Variants in RUNX3 observed in about 807,000 individuals in gnomAD.
The protein encoded by RUNX3 is runt-related transcription factor 3.
Under a neutral mutation model 27.7 loss-of-function variants are expected in RUNX3, and 10 were observed. The ratio of observed to expected loss-of-function variants is 0.36; its 90% CI spans 0.22 to 0.61. The LOEUF (loss-of-function observed/expected upper bound fraction) is 0.61. Ranked by LOEUF, RUNX3 falls within the 20% of genes least tolerant of loss-of-function variation. The pLI is 0.72. For missense variants in RUNX3, 469 were observed against 629.5 expected (o/e 0.75, Z 2.73); for synonymous variants, 270 against 269.2 (o/e 1.00, Z -0.03).
At chr1:24,914,529 C>T (rs1425188491) in intron 3 of RUNX3, among the ~76,000 whole-genome samples, 5 of 152,188 alleles carry the variant, frequency 3.3e-5, no homozygotes, top group African/African-American at 4.8e-5. Flanking sequence ...GGCAGGGAAA[C>T]GGGCTGGCCG....
chr1:24,959,589 G>C (rs1245955409), intron 2 of RUNX3, among the ~76,000 whole-genome samples: 1 of 152,156 alleles, frequency 6.6e-6, no homozygotes, highest in African/African-American at 2.4e-5. Flanking sequence ...GGTTTCCTGG[G>C]ACGTGGAGCT....
At chr1:24,915,747 C>G in intron 3 of RUNX3, among the ~76,000 whole-genome samples, 1 of 151,772 alleles carries the variant, frequency 6.6e-6, no homozygotes, top group East Asian at 1.9e-4. Flanking sequence ...GCCAGGATAC[C>G]AGGGTGGCCA....
intron 3 of RUNX3, among the ~76,000 whole-genome samples, chr1:24,911,978 G>A (rs892501155): frequency 2.0e-5 from 3 of 152,236 alleles, no homozygotes; most frequent in Non-Finnish European, 4.4e-5. Flanking sequence ...CACTGCCAGG[G>A]AGGGGAGAGG....
At chr1:24,947,698 C>T (rs1228280906) in intron 2 of RUNX3, among the ~76,000 whole-genome samples, 1 of 152,196 alleles carries the variant, frequency 6.6e-6, no homozygotes, top group Non-Finnish European at 1.5e-5. Context: ...CCTGGGGACG[C>T]TCCCTGTTTG....
intron 2 of RUNX3, chr1:24,963,121 T>C (rs11249210): frequency 0.17 from 26,376 of 152,252 alleles, 3,067 homozygotes; most frequent in African/African-American, 0.33. Context: ...AGTGCCCCCA[T>C]TTCAGGGGAC....
rs1309187325 is a variant in RUNX3 at position 24,943,681 on chromosome 1, G to A, written c.59-13829C>T. The stretch of plus-strand genomic sequence containing the variant: ...CTGGAGAGGGGATGTGACGTGCTGG[G>A]GCCCAGGGGAGTCCAAAGTCAGGAC... On this transcript the variant is annotated intron_variant, in intron 2 of 6. Coordinates refer to the RUNX3 transcript ENST00000338888. This position sits in a 1 kb window ranked among gnomAD's most constrained non-coding sequence, Gnocchi z 4.6. Among the ~76,000 whole-genome samples the A allele has an allele frequency of 6.6e-6, 1 of 152,134 alleles. No homozygotes were observed. The highest frequency in any genetic ancestry group is 2.4e-5 in the African/African-American group (1 of 41,426).
intron 2 of RUNX3, among the ~76,000 whole-genome samples, chr1:24,958,374 G>A (rs1330488200): frequency 1.1e-4 from 17 of 152,212 alleles, no homozygotes; most frequent in Admixed American, 9.8e-4. Flanking sequence ...AGGAAAGTCA[G>A]TTTTCCTGCT....
At chr1:24,910,043 G>C (rs1640766935) in intron 3 of RUNX3, among the ~76,000 whole-genome samples, 1 of 152,216 alleles carries the variant, frequency 6.6e-6, no homozygotes, top group Non-Finnish European at 1.5e-5. Context: ...CCAGCGCTTT[G>C]GGAAGCCGAG....
chr1:24,919,221 G>A lies in RUNX3; in HGVS notation c.544+19C>T. On this transcript the variant is annotated intron_variant, in intron 3 of 4. Coordinates refer to ENST00000308873, the MANE Select transcript of RUNX3 (RefSeq NM_004350.3). Reference sequence around the variant, plus strand: ...CCTCCTCCCCCGCGCAGGGGCTCAGGGGGCTCGGTGGCACTTACGTCTGGG... The same window carrying A: ...CCTCCTCCCCCGCGCAGGGGCTCAGAGGGCTCGGTGGCACTTACGTCTGGG... 1 of 1,534,132 alleles carries A rather than the reference G, an allele frequency of 6.5e-7. No homozygotes were observed. Among genetic ancestry groups the A allele is most frequent in the Non-Finnish European group, 8.9e-7 (1 of 1,120,716 alleles).
At chr1:24,953,411 A>AC (rs1187900393) in intron 2 of RUNX3, among the ~76,000 whole-genome samples, 1 of 151,678 alleles carries the variant, frequency 6.6e-6, no homozygotes, top group African/African-American at 2.4e-5. Context: ...TGAAAAAAAA[A>AC]AAAAAACAGA....
intron 3 of RUNX3, among the ~76,000 whole-genome samples, chr1:24,912,140 A>G (rs6699680): frequency 0.57 from 86,167 of 152,162 alleles, 27,288 homozygotes; most frequent in African/African-American, 0.88. Flanking sequence ...TACCCAGAGC[A>G]AGAGCTGCGT....
At chr1:24,929,047 G>A (rs2124305481) in intron 1 of RUNX3, 1 of 457,302 alleles carries the variant, frequency 2.2e-6, no homozygotes, top group East Asian at 6.9e-5. Context: ...CGCCATTCGG[G>A]ACGCATAATA....
intron 2 of RUNX3, among the ~76,000 whole-genome samples, chr1:24,945,668 C>T (rs904794481): frequency 6.6e-6 from 1 of 152,186 alleles, no homozygotes; most frequent in Non-Finnish European, 1.5e-5. Flanking sequence ...AAACTTGGCT[C>T]ATGGAATGTT....
chr1:24,917,620 G>A (rs183783196), intron 3 of RUNX3, among the ~76,000 whole-genome samples: 3 of 152,296 alleles, frequency 2.0e-5, no homozygotes, highest in East Asian at 1.9e-4. Context: ...CTAAAGTGAC[G>A]GATCCCTTGC....
At chr1:24,949,311 C>G (rs1368890401) in intron 2 of RUNX3, among the ~76,000 whole-genome samples, 2 of 152,182 alleles carry the variant, frequency 1.3e-5, no homozygotes, top group African/African-American at 4.8e-5. Context: ...GAATCCAAGT[C>G]TGGCTAAATG....
upstream of RUNX3, among the ~76,000 whole-genome samples, chr1:24,932,213 G>A (rs1022208366): frequency 1.3e-5 from 2 of 152,180 alleles, no homozygotes; most frequent in African/African-American, 4.8e-5. Context: ...CAAGTTTCCA[G>A]AGAATGAGGG....
chr1:24,932,115 C>T (rs1641244331), upstream of RUNX3, among the ~76,000 whole-genome samples: 1 of 152,248 alleles, frequency 6.6e-6, no homozygotes, highest in Admixed American at 6.5e-5. Context: ...TGGTAAATTC[C>T]ATTTGTCGAA....
rs1425795610 is a variant in RUNX3, at chr1:24,962,460, C to A, written c.58+2054G>T. Among the ~76,000 whole-genome samples, 1 of 152,222 alleles carries A rather than the reference C, an allele frequency of 6.6e-6. No homozygotes were observed. The highest frequency in any genetic ancestry group is 1.5e-5 in the Non-Finnish European group (1 of 68,042). On this transcript the variant is annotated intron_variant, in intron 2 of 6. Coordinates refer to the RUNX3 transcript ENST00000338888. This position sits in a 1 kb window ranked among gnomAD's most constrained non-coding sequence, Gnocchi z 4.5. ...CCCTGCAAATGGGACCCTGGGGCTG[C>A]GTCTCTTTGAGGAAGGAATTGGCAG...
chr1:24,907,690 C>G (rs1346447151), intron 3 of RUNX3, among the ~76,000 whole-genome samples: 2 of 152,032 alleles, frequency 1.3e-5, no homozygotes, highest in Admixed American at 1.3e-4. Context: ...CTACAACACG[C>G]GGTGATCTAA....
Sources: gnomAD v4.1 joint callset for allele counts (sites outside exome capture counted in the v4.1 genomes callset) on GRCh38, gnomAD v4.1.1 for gene constraint, Gnocchi (gnomAD v3.1) non-coding constraint, MANE v1.5 for transcripts, NCBI Gene and HGNC (gene_info 2026-07-23, HGNC 2026-07-21) for gene names.